The following C1orf21 variants were observed in gnomAD, a reference collection of about 807,000 sequenced individuals.
The protein encoded by C1orf21 is uncharacterized protein C1orf21.
C1orf21 carries 3 observed loss-of-function variants against 18.7 expected under a neutral mutation model. The ratio of observed to expected loss-of-function variants is 0.16; its 90% CI spans 0.07 to 0.42. The LOEUF (loss-of-function observed/expected upper bound fraction) is 0.42. C1orf21 is among the 10% of genes least tolerant of loss of function. C1orf21 has a pLI of 0.99. For missense variants in C1orf21, 104 were observed against 143.6 expected, an observed-to-expected ratio of 0.72 and a Z score of 1.41; for synonymous variants, 41 against 46.4, an observed-to-expected ratio of 0.88 and a Z score of 0.47.
At chr1:184,483,205 A>T (rs564585910) in intron 2 of C1orf21, among the ~76,000 whole-genome samples, 1 of 152,316 alleles carries the variant, frequency 6.6e-6, no homozygotes, top group Non-Finnish European at 1.5e-5. Context: ...TGGTCAGCAG[A>T]TCTGCTGAGG....
rs1659428932 is a variant in C1orf21, at chr1:184,590,992, T to G, written c.266+177T>G. Among the ~76,000 whole-genome samples, 3 of 152,212 alleles carry G rather than the reference T, an allele frequency of 2.0e-5. No homozygotes were observed. In the South Asian group the frequency reaches 6.2e-4, roughly 32 times the overall value. ...AAGTACTATGTTGAATTCATGTGAA[T>G]GAAGTGATGTGTAGGCACTTCATTA... On this transcript the variant is annotated intron_variant, in intron 4 of 5. Coordinates refer to ENST00000235307, the MANE Select transcript of C1orf21 (RefSeq NM_030806.4).
chr1:184,530,441 A>C (rs1221748783), intron 3 of C1orf21, among the ~76,000 whole-genome samples: 2 of 151,878 alleles, frequency 1.3e-5, no homozygotes, highest in Admixed American at 6.6e-5. Context: ...GAAGGCAATG[A>C]TGATGATGAT....
intron 3 of C1orf21, among the ~76,000 whole-genome samples, chr1:184,521,217 A>T (rs1280944491): frequency 6.6e-6 from 1 of 152,160 alleles, no homozygotes; most frequent in East Asian, 1.9e-4. Context: ...AACAAAATAG[A>T]TCTGAATTTC....
chr1:184,492,429 T>C (rs1280093467), intron 2 of C1orf21, among the ~76,000 whole-genome samples: 1 of 152,234 alleles, frequency 6.6e-6, no homozygotes, highest in Non-Finnish European at 1.5e-5. Flanking sequence ...AGTGGAGCCA[T>C]TGGCAAGATT....
chr1:184,530,761 G>T (rs1658450431), intron 3 of C1orf21, among the ~76,000 whole-genome samples: 1 of 151,112 alleles, frequency 6.6e-6, no homozygotes, highest in African/African-American at 2.4e-5. Context: ...TTGAATTTAT[G>T]ATCTTGCTTA....
At chr1:184,490,106 G>T (rs1001172882) in intron 2 of C1orf21, among the ~76,000 whole-genome samples, 1 of 152,186 alleles carries the variant, frequency 6.6e-6, no homozygotes, top group African/African-American at 2.4e-5. Context: ...AGAAATGTTA[G>T]CCCAGGCATA....
chr1:184,553,596 G>A (rs1045746141), intron 3 of C1orf21, among the ~76,000 whole-genome samples: 1 of 152,150 alleles, frequency 6.6e-6, no homozygotes, highest in African/African-American at 2.4e-5. Context: ...GGCTCCTTCT[G>A]GGCTATAGAC....
intron 5 of C1orf21, among the ~76,000 whole-genome samples, chr1:184,618,240 G>A (rs1013397078): frequency 6.6e-6 from 1 of 152,120 alleles, no homozygotes; most frequent in African/African-American, 2.4e-5. Context: ...AAACACACAC[G>A]GGCATGGGCA....
rs146299293 is a variant in C1orf21, at chr1:184,596,403, C to T, written c.267-1998C>T. On this transcript the variant is annotated intron_variant, in intron 4 of 5. Coordinates refer to ENST00000235307, the MANE Select transcript of C1orf21 (RefSeq NM_030806.4). ...CAATTAATTAAGAAATATTTTTGGC[C>T]CTCCTGCTATATTCAAGGCAATATA... is the stretch of plus-strand genomic sequence containing the variant. 2.0e-3 allele frequency among the ~76,000 whole-genome samples: 300 copies of T among 152,136 alleles called. 3 individuals are homozygous for T. Among genetic ancestry groups the T allele is most frequent in the Admixed American group, 0.015 (229 of 15,278 alleles).
intron 2 of C1orf21, among the ~76,000 whole-genome samples, chr1:184,495,661 C>G (rs1345092162): frequency 6.6e-6 from 1 of 152,000 alleles, no homozygotes; most frequent in Non-Finnish European, 1.5e-5. Context: ...GTGGCTCATG[C>G]GTGTAATTCC....
chr1:184,457,182 TAAAG>T (rs949213362), intron 1 of C1orf21, among the ~76,000 whole-genome samples: 6 of 152,178 alleles, frequency 3.9e-5, no homozygotes, highest in African/African-American at 1.4e-4. Flanking sequence ...ACTTAATTCT[TAAAG>T]GAAGGAACTT....
At chr1:184,613,807 A>T (rs956068407) in intron 5 of C1orf21, among the ~76,000 whole-genome samples, 5 of 152,182 alleles carry the variant, frequency 3.3e-5, no homozygotes, top group African/African-American at 1.2e-4. Flanking sequence ...TTTGCCTAAA[A>T]TTCTATACAA....
chr1:184,390,374 A>T (rs1655953066), intron 1 of C1orf21, among the ~76,000 whole-genome samples: 1 of 152,232 alleles, frequency 6.6e-6, no homozygotes. Context: ...TCTGAGCAGC[A>T]CAGTGCTGAT....
intron 3 of C1orf21, among the ~76,000 whole-genome samples, chr1:184,570,435 A>G (rs1000306104): frequency 6.6e-6 from 1 of 152,212 alleles, no homozygotes; most frequent in Non-Finnish European, 1.5e-5. Context: ...GAAATTCTGC[A>G]CTATACATAC....
At chr1:184,529,807 CTT>C (rs758701193) in intron 3 of C1orf21, among the ~76,000 whole-genome samples, 33 of 152,246 alleles carry the variant, frequency 2.2e-4, no homozygotes, top group Admixed American at 8.5e-4. Flanking sequence ...GGTCTGATAT[CTT>C]TTTACCTTTG....
intron 1 of C1orf21, among the ~76,000 whole-genome samples, chr1:184,469,090 GA>G (rs1009564965): frequency 1.4e-5 from 2 of 144,898 alleles, no homozygotes; most frequent in African/African-American, 5.1e-5. Context: ...CAAAAAAAGA[GA>G]AAAAAAAAGT....
At chr1:184,448,598 G>C (rs1036089378) in intron 1 of C1orf21, among the ~76,000 whole-genome samples, 1 of 152,186 alleles carries the variant, frequency 6.6e-6, no homozygotes. Context: ...GCAGGCATGA[G>C]CTTTTACCAT....
intron 3 of C1orf21, among the ~76,000 whole-genome samples, chr1:184,526,288 C>T (rs962970816): frequency 3.3e-5 from 5 of 152,126 alleles, no homozygotes; most frequent in Non-Finnish European, 5.9e-5. Context: ...GTTAAAAACA[C>T]CAAAAAACTG....
intron 1 of C1orf21, among the ~76,000 whole-genome samples, chr1:184,395,305 G>A (rs925217047): frequency 6.6e-6 from 1 of 152,122 alleles, no homozygotes; most frequent in African/African-American, 2.4e-5. Context: ...CATTGATCCT[G>A]AGGCTCACAG....
Sources: gnomAD v4.1 joint callset for allele counts (sites outside exome capture counted in the v4.1 genomes callset) on GRCh38, gnomAD v4.1.1 for gene constraint, MANE v1.5 for transcripts, NCBI Gene and HGNC (gene_info 2026-07-23, HGNC 2026-07-21) for gene names.